ZNF548: variants seen among roughly 807,000 people sequenced by gnomAD.
The protein encoded by ZNF548 is zinc finger protein 548.
ZNF548 carries 10 observed loss-of-function variants against 10.2 expected under a neutral mutation model. That is an observed-to-expected ratio of 0.98 (90% confidence interval 0.60 to 1.66). ZNF548 has a LOEUF of 1.66. Ranked by LOEUF, ZNF548 falls within the 40% of genes most tolerant of loss-of-function variation. The pLI, the probability that ZNF548 is intolerant of heterozygous loss-of-function variation, is 0.00. For missense variants in ZNF548, 599 were observed against 657.0 expected, an observed-to-expected ratio of 0.91 and a Z score of 0.97; for synonymous variants, 217 against 223.5, an observed-to-expected ratio of 0.97 and a Z score of 0.26.
chr19:57,391,504 G>T (rs886816016), intron 1 of ZNF548, among the ~76,000 whole-genome samples: 1 of 151,902 alleles, frequency 6.6e-6, no homozygotes, highest in African/African-American at 2.4e-5. Context: ...TGGATTTAAT[G>T]GCAGTTCTAT....
At chr19:57,394,325 G>A (rs2088650222) in intron 2 of ZNF548, 102 bp downstream of exon 2, 1 of 1,260,204 alleles carries the variant, frequency 7.9e-7, no homozygotes, top group African/African-American at 1.5e-5. Flanking sequence ...ATGTCTGAAG[G>A]GTGAGTGGTT....
In ZNF548 at chr19:57,398,905, C is replaced by T. The variant is rs1443301603; in HGVS notation, c.654C>T (p.Phe218=). The change falls in exon 4 of 4, where the codon TTC becomes TTT. Residue 218 remains phenylalanine (F), a synonymous_variant. Coordinates refer to ENST00000336128, the MANE Select transcript of ZNF548 (RefSeq NM_001172773.2). ...DYKCSECGKT[F]TCSYSFVEHQ... is the part of the protein sequence containing the mutation. ...AATGTAGTGAATGTGGGAAAACCTT[C>T]ACCTGCAGCTATTCATTTGTTGAGC... The T allele has an allele frequency of 6.2e-7, 1 of 1,614,052 alleles. No individual in the cohort carries two copies. The highest frequency in any genetic ancestry group is 1.7e-5 in the Admixed American group (1 of 60,030).
rs1032761896 is a variant in ZNF548 at position 57,395,702 on chromosome 19, G to A, written c.52-1346G>A. Among the ~76,000 whole-genome samples the A allele has an allele frequency of 6.6e-6, 1 of 152,176 alleles. No individual in the cohort carries two copies. The highest frequency in any genetic ancestry group is 1.5e-5 in the Non-Finnish European group (1 of 68,018). ...TCCCACCAGGTCCCTCCCCTGACAC[G>A]TGGGGATTACAATTTGACATGAGAT... On this transcript the variant is annotated intron_variant, in intron 2 of 3. Transcript: ENST00000336128. The surrounding 1 kb of genome is among the most constrained non-coding windows in gnomAD (Gnocchi z 4.8).
At chr19:57,396,894 A>C in intron 2 of ZNF548, 154 bp from the exon 3 acceptor site, 28 of 1,080,144 alleles carry the variant, frequency 2.6e-5, no homozygotes, top group Non-Finnish European at 3.4e-5. Context: ...GTTTGAGAAT[A>C]TGGGCCCAGG....
chr19:57,391,925 G>A (rs1440692222), intron 1 of ZNF548, among the ~76,000 whole-genome samples: 1 of 149,876 alleles, frequency 6.7e-6, no homozygotes, highest in Non-Finnish European at 1.5e-5. Context: ...AGCCTCCCAA[G>A]TAGCTGGGAT....
At chr19:57,394,017 G>A in intron 1 of ZNF548, 171 bp from the exon 2 acceptor site, 1 of 689,226 alleles carries the variant, frequency 1.5e-6, no homozygotes, top group Non-Finnish European at 2.5e-6. Flanking sequence ...AGCTCAGGTG[G>A]GTTTGGTTCT....
At chr19:57,390,327 G>A (rs2088614073) in intron 1 of ZNF548, 1 of 461,036 alleles carries the variant, frequency 2.2e-6, no homozygotes, top group East Asian at 3.3e-5. Flanking sequence ...GTGTTGGGGC[G>A]TCAGGGGTGT....
rs1262990112 is a variant in ZNF548, at chr19:57,389,931, C to T, written c.-169C>T. On this transcript the variant is annotated 5_prime_UTR_variant, in exon 1 of 4. Transcript: ENST00000336128. ...CACCAACTTCGGCCTATGGCTCTGT[C>T]TGACGTCACCGAAGTGACGGAACGG... 1.2e-5 allele frequency: 9 copies of T among 781,090 alleles called. No individual in the cohort carries two copies. Among genetic ancestry groups the T allele is most frequent in the Middle Eastern group, 2.9e-4 (1 of 3,504 alleles). The allele number at this position is 781,090 out of a possible 1,614,324, so 48.4% of individuals were successfully genotyped here.
chr19:57,394,075 C>G, intron 1 of ZNF548, 113 bp from the exon 2 acceptor site: 1 of 1,161,730 alleles, frequency 8.6e-7, no homozygotes, highest in South Asian at 1.3e-5. Context: ...GAACTTTATT[C>G]AATGAATTGA....
At chr19:57,391,120 C>T (rs1418209640) in intron 1 of ZNF548, among the ~76,000 whole-genome samples, 2 of 152,178 alleles carry the variant, frequency 1.3e-5, no homozygotes, top group Non-Finnish European at 2.9e-5. Flanking sequence ...TCTCATCCTT[C>T]TACCTGTTTG....
chr19:57,394,221 C>T lies in ZNF548; in HGVS notation c.49C>T (p.Gln17Ter). 6.2e-7 allele frequency: 1 copy of T among 1,604,190 alleles called. No homozygotes were observed. Among genetic ancestry groups the T allele is most frequent in the Middle Eastern group, 1.7e-4 (1 of 6,060 alleles). ...GGCGATGGCAGAAATGGACCCTACA[C>T]AGGTGAGTAGAGTGTTTCCTACTAT... ...PLAMAEMDPT[Q>*]GRVVFEDVAI... Residue 17 changes from glutamine (Q) to a stop codon, truncating the protein, a stop_gained and splice_region_variant, in exon 2 of 4, where the codon CAG (glutamine) becomes TAG (stop). Coordinates refer to ENST00000336128, the MANE Select transcript of ZNF548 (RefSeq NM_001172773.2). LOFTEE classifies it high-confidence loss of function.
At chr19:57,394,015 TG>T in intron 1 of ZNF548, 172 bp from the exon 2 acceptor site, 1 of 679,430 alleles carries the variant, frequency 1.5e-6, no homozygotes, top group Non-Finnish European at 2.6e-6. Flanking sequence ...GAAGCTCAGG[TG>T]GGTTTGGTTC....
rs759450633 is a variant in ZNF548 at position 57,399,260 on chromosome 19, A to G, written c.1009A>G (p.Ile337Val). The change falls in exon 4 of 4, where the codon ATT becomes GTT. Residue 337 changes from isoleucine to valine, a missense_variant. Transcript: ENST00000336128. The surrounding 1 kb of genome is among the most constrained non-coding windows in gnomAD (Gnocchi z 4.0). ...ATTCTTTATGGACAGCTCCACACTCATTAAACATCAGAGAGTTCACACCGG... is the reference window on the plus strand; with the variant it reads ...ATTCTTTATGGACAGCTCCACACTCGTTAAACATCAGAGAGTTCACACCGG... Reference protein sequence around the residue: ...GKFFMDSSTLIKHQRVHTGER... With the variant: ...GKFFMDSSTLVKHQRVHTGER... The G allele has an allele frequency of 3.7e-6, 6 of 1,614,056 alleles. No individual in the cohort carries two copies. In the South Asian group the frequency reaches 5.5e-5, roughly 15 times the overall value.
At chr19:57,392,380 G>A (rs928275118) in intron 1 of ZNF548, among the ~76,000 whole-genome samples, 2 of 152,102 alleles carry the variant, frequency 1.3e-5, no homozygotes, top group Non-Finnish European at 2.9e-5. Flanking sequence ...TGTCCAGAAG[G>A]GGTTTCCCTG....
Position 57,400,127 on chromosome 19 carries a change from A to G in ZNF548, c.*238A>G, listed in dbSNP as rs1347454441. ...TTTGTACCTCATATAAGTGGATTCT[A>G]CAGTATTTATCTTTTGAGACTGGCT... is the stretch of plus-strand genomic sequence containing the variant. On this transcript the variant is annotated 3_prime_UTR_variant, in exon 4 of 4. Coordinates refer to ENST00000336128, the MANE Select transcript of ZNF548 (RefSeq NM_001172773.2). The G allele has an allele frequency of 1.6e-5, 7 of 437,824 alleles. No homozygotes were observed. The East Asian group carries it at 2.1e-4, about 13-fold the overall frequency. 27.1% of individuals were successfully genotyped at this position (437,824 alleles called of 1,614,324 possible).
At position 57,397,076 on chromosome 19, in the gene ZNF548, T is replaced by C; in HGVS notation, c.80T>C (p.Ile27Thr). Residue 27 changes from isoleucine (I) to threonine (T), a missense_variant, in exon 3 of 4, where the codon ATA (isoleucine) becomes ACA (threonine). Coordinates refer to ENST00000336128, the MANE Select transcript of ZNF548 (RefSeq NM_001172773.2). ...QGRVVFEDVA[I>T]YFSQEEWGHL... ...CGTGTGGTCTTTGAGGACGTGGCCA[T>C]ATATTTCTCCCAGGAGGAGTGGGGG... 1 of 1,613,452 alleles carries C rather than the reference T, an allele frequency of 6.2e-7. No individual in the cohort carries two copies. The highest frequency in any genetic ancestry group is 8.5e-7 in the Non-Finnish European group (1 of 1,179,684).
chr19:57,396,970 T>G, intron 2 of ZNF548, 78 bp from the exon 3 acceptor site: 3 of 1,520,180 alleles, frequency 2.0e-6, no homozygotes, highest in African/African-American at 1.4e-5. Context: ...GTGGTAAATA[T>G]AAGTAGAAAA....
chr19:57,391,919 T>C (rs2088629230), intron 1 of ZNF548, among the ~76,000 whole-genome samples: 1 of 148,192 alleles, frequency 6.7e-6, no homozygotes, highest in African/African-American at 2.5e-5. Context: ...TGCCTCAGCC[T>C]CCCAAGTAGC....
At chr19:57,397,369 G>C in intron 3 of ZNF548, 195 bp downstream of exon 3, 1 of 806,858 alleles carries the variant, frequency 1.2e-6, no homozygotes, top group Non-Finnish European at 1.8e-6. Flanking sequence ...CATCCCTGCT[G>C]CTCTGAGGCT....
Sources: allele counts gnomAD v4.1 joint callset (sites outside exome capture counted in the v4.1 genomes callset), GRCh38; gene constraint gnomAD v4.1.1; non-coding constraint Gnocchi (gnomAD v3.1); transcripts MANE v1.5; gene names NCBI Gene and HGNC (gene_info 2026-07-23, HGNC 2026-07-21).